The following KCNJ6 variants were observed in gnomAD, a reference collection of about 807,000 sequenced individuals.
The protein encoded by KCNJ6 is G protein-activated inward rectifier potassium channel 2.
A neutral mutation model predicts 34.2 loss-of-function variants in KCNJ6; 9 were observed. The ratio of observed to expected loss-of-function variants is 0.26; its 90% CI spans 0.16 to 0.46. KCNJ6 has a LOEUF of 0.46. Ranked by LOEUF, KCNJ6 falls within the 20% of genes least tolerant of loss-of-function variation. KCNJ6 has a pLI of 1.00. For synonymous variants in KCNJ6, 196 were observed against 207.1 expected, an observed-to-expected ratio of 0.95 and a Z score of 0.46; for missense variants, 236 against 531.3, an observed-to-expected ratio of 0.44 and a Z score of 5.46.
rs958685478 is a variant in KCNJ6 at position 37,623,628 on chromosome 21, CCCTT to C, written c.*1527_*1530del. On this transcript the variant is annotated 3_prime_UTR_variant, in exon 4 of 4. Coordinates refer to ENST00000609713, the MANE Select transcript of KCNJ6 (RefSeq NM_002240.5). ...TTCCTTCCTTCCTTCCTTCCTCCCT[CCCTT>C]CCTCCCTTCTTTCCTTTTTGCAGAT... 1.8e-4 allele frequency: 27 copies of C among 152,390 alleles called. No homozygotes were observed. Among genetic ancestry groups the C allele is most frequent in the African/African-American group, 6.5e-4 (27 of 41,544 alleles). The allele number at this position is 152,390 out of a possible 1,614,324, so 9.4% of individuals were successfully genotyped here. A position where few individuals can be genotyped will look rare whatever the true frequency, so the allele number is the denominator to read the frequency against.
intron 1 of KCNJ6, among the ~76,000 whole-genome samples, chr21:37,858,523 C>T (rs908139948): frequency 1.3e-5 from 2 of 150,994 alleles, no homozygotes; most frequent in Non-Finnish European, 2.9e-5. Flanking sequence ...ATAGTTACTG[C>T]ACTTCAGAGA....
intron 3 of KCNJ6, among the ~76,000 whole-genome samples, chr21:37,652,553 A>T (rs974907402): frequency 6.6e-6 from 1 of 152,154 alleles, no homozygotes; most frequent in African/African-American, 2.4e-5. Flanking sequence ...CAAAGAATTC[A>T]TTGGGAAGAG....
chr21:37,722,167 G>T (rs2054830286), intron 2 of KCNJ6, among the ~76,000 whole-genome samples: 1 of 152,100 alleles, frequency 6.6e-6, no homozygotes, highest in African/African-American at 2.4e-5. Context: ...TTCAAGCTGA[G>T]AGCTGAATCA....
At chr21:37,784,725 C>A in intron 2 of KCNJ6, among the ~76,000 whole-genome samples, 1 of 152,092 alleles carries the variant, frequency 6.6e-6, no homozygotes, top group South Asian at 2.1e-4. Flanking sequence ...ATCATAGAGT[C>A]TGTGCCTGCC....
intron 1 of KCNJ6, among the ~76,000 whole-genome samples, chr21:37,842,708 AAGAC>A (rs2055487156): frequency 6.8e-6 from 1 of 146,950 alleles, no homozygotes; most frequent in Non-Finnish European, 1.5e-5. Flanking sequence ...AGAGCTGAAT[AAGAC>A]AGGCAGAGAG....
intron 3 of KCNJ6, among the ~76,000 whole-genome samples, chr21:37,668,212 C>T (rs2054525722): frequency 6.6e-6 from 1 of 152,110 alleles, no homozygotes; most frequent in Admixed American, 6.5e-5. Flanking sequence ...TGCCTCAGAG[C>T]CCTCTCCAAA....
chr21:37,786,994 T>C (rs2123518138), intron 2 of KCNJ6, among the ~76,000 whole-genome samples: 1 of 152,320 alleles, frequency 6.6e-6, no homozygotes, highest in Non-Finnish European at 1.5e-5. Context: ...CTCACAGAGA[T>C]TGCTTTGCAC....
chr21:37,624,655 C>T lies in KCNJ6; in HGVS notation c.*504G>A, dbSNP rs1390678344. ...TATATGTACAGTGGTTTGTCTTCAGCTCACCTGGGCCCTGTAACTGCCACA... is the reference window on the plus strand; with the variant it reads ...TATATGTACAGTGGTTTGTCTTCAGTTCACCTGGGCCCTGTAACTGCCACA... On this transcript the variant is annotated 3_prime_UTR_variant, in exon 4 of 4. Transcript: ENST00000609713. 6.2e-6 allele frequency: 1 copy of T among 162,074 alleles called. No individual in the cohort carries two copies. Among genetic ancestry groups the T allele is most frequent in the Admixed American group, 6.0e-5 (1 of 16,702 alleles). The allele number at this position is 162,074 out of a possible 1,614,324, so 10.0% of individuals were successfully genotyped here. A position where few individuals can be genotyped will look rare whatever the true frequency, so the allele number is the denominator to read the frequency against.
At chr21:37,757,502 A>G (rs1331566723) in intron 2 of KCNJ6, among the ~76,000 whole-genome samples, 6 of 151,058 alleles carry the variant, frequency 4.0e-5, no homozygotes, top group African/African-American at 1.5e-4. Context: ...GCCTGGAGTG[A>G]GCACTCCCTC....
chr21:37,819,378 C>A (rs780399650), intron 2 of KCNJ6, among the ~76,000 whole-genome samples: 2 of 152,122 alleles, frequency 1.3e-5, no homozygotes, highest in African/African-American at 2.4e-5. Flanking sequence ...GACTTTTTAA[C>A]TCCTGGTATT....
At chr21:37,645,828 A>G (rs1393658520) in intron 3 of KCNJ6, among the ~76,000 whole-genome samples, 1 of 152,162 alleles carries the variant, frequency 6.6e-6, no homozygotes, top group Admixed American at 6.5e-5. Context: ...CATTTTTACT[A>G]TTAGAGCTGT....
intron 1 of KCNJ6, among the ~76,000 whole-genome samples, chr21:37,886,911 C>A (rs529795163): frequency 8.5e-5 from 13 of 152,082 alleles, no homozygotes; most frequent in Non-Finnish European, 1.5e-4. Flanking sequence ...AACTATTTCC[C>A]CCACCACCTG....
chr21:37,685,232 T>G (rs935518314), intron 3 of KCNJ6, among the ~76,000 whole-genome samples: 7 of 152,108 alleles, frequency 4.6e-5, no homozygotes, highest in African/African-American at 1.7e-4. Flanking sequence ...CAATGAGTTG[T>G]TTCTACCCAG....
chr21:37,897,447 C>T (rs913990407), intron 1 of KCNJ6, among the ~76,000 whole-genome samples: 6 of 152,332 alleles, frequency 3.9e-5, no homozygotes, highest in East Asian at 1.9e-4. Context: ...CACCACACAA[C>T]ACTTTCTTTC....
intron 2 of KCNJ6, among the ~76,000 whole-genome samples, chr21:37,761,686 CGT>C (rs1054513833): frequency 6.3e-5 from 6 of 95,658 alleles, no homozygotes; most frequent in East Asian, 5.6e-4. Flanking sequence ...TGTATATTTG[CGT>C]GTGTGTTGTA....
intron 1 of KCNJ6, among the ~76,000 whole-genome samples, chr21:37,880,784 GC>G (rs1387388103): frequency 6.6e-6 from 1 of 152,332 alleles, no homozygotes; most frequent in East Asian, 1.9e-4. Flanking sequence ...TCCCAAGCTG[GC>G]TTGACATCAG....
intron 1 of KCNJ6, among the ~76,000 whole-genome samples, chr21:37,911,622 C>T (rs190339762): frequency 6.6e-6 from 1 of 152,194 alleles, no homozygotes; most frequent in Non-Finnish European, 1.5e-5. Context: ...CAATAAGTAA[C>T]TGCCTTTTCC....
intron 3 of KCNJ6, among the ~76,000 whole-genome samples, chr21:37,709,510 G>C (rs1434983940): frequency 1.6e-5 from 1 of 63,708 alleles, no homozygotes; most frequent in Non-Finnish European, 3.2e-5. Context: ...GCAAAACCCT[G>C]TCTCAAAAAA....
At chr21:37,693,649 T>A (rs2054650641) in intron 3 of KCNJ6, among the ~76,000 whole-genome samples, 1 of 152,154 alleles carries the variant, frequency 6.6e-6, no homozygotes, top group African/African-American at 2.4e-5. Flanking sequence ...AATTGATACG[T>A]GATTTTGGGA....
Sources: allele counts gnomAD v4.1 joint callset (sites outside exome capture counted in the v4.1 genomes callset), GRCh38; gene constraint gnomAD v4.1.1; transcripts MANE v1.5; gene names NCBI Gene and HGNC (gene_info 2026-07-23, HGNC 2026-07-21).